PRR16: variants seen among roughly 807,000 people sequenced by gnomAD.
PRR16 encodes the protein protein Largen.
A neutral mutation model predicts 18.2 loss-of-function variants in PRR16; 6 were observed. That is an observed-to-expected ratio of 0.33 (90% CI 0.18 to 0.65). The LOEUF (loss-of-function observed/expected upper bound fraction) is 0.65. Among genes scored for constraint, PRR16 ranks in the 30% least tolerant of loss-of-function variants. The pLI is 0.74. For synonymous variants in PRR16, 151 were observed against 147.8 expected, an observed-to-expected ratio of 1.02 and a Z score of -0.16; for missense variants, 412 against 376.6, an observed-to-expected ratio of 1.09 and a Z score of -0.78.
At chr5:120,556,831 T>C (rs1401106177) in intron 1 of PRR16, among the ~76,000 whole-genome samples, 3 of 151,888 alleles carry the variant, frequency 2.0e-5, no homozygotes, top group African/African-American at 4.8e-5. Flanking sequence ...CAAAATCATA[T>C]GTGGAATCCT....
chr5:120,538,285 T>C (rs1035862589), intron 1 of PRR16, among the ~76,000 whole-genome samples: 1 of 152,232 alleles, frequency 6.6e-6, no homozygotes, highest in Non-Finnish European at 1.5e-5. Flanking sequence ...TTTAGTTTAA[T>C]TGATAAGCAT....
rs554763387 is a variant in PRR16 at position 120,513,757 on chromosome 5, G to A, written c.159+49112G>A. The stretch of plus-strand genomic sequence containing the variant: ...ACTTAAGAACATAGAGATCCCATCT[G>A]TTTTCTTTTTTTTTTTTTTGAGATG... On this transcript the variant is annotated intron_variant, in intron 1 of 1. Transcript: ENST00000407149. 5.4e-4 allele frequency among the ~76,000 whole-genome samples: 80 copies of A among 146,866 alleles called. 1 individual carries two copies. Among genetic ancestry groups the A allele is most frequent in the African/African-American group, 2.0e-3 (80 of 39,232 alleles).
intron 1 of PRR16, among the ~76,000 whole-genome samples, chr5:120,672,511 G>C (rs376505350): frequency 7.1e-6 from 1 of 140,624 alleles, no homozygotes; most frequent in African/African-American, 2.6e-5. Flanking sequence ...TTAATTAAAG[G>C]CTTTTAATAA....
intron 1 of PRR16, among the ~76,000 whole-genome samples, chr5:120,527,643 G>A (rs1207749196): frequency 2.6e-5 from 4 of 152,198 alleles, no homozygotes; most frequent in Non-Finnish European, 5.9e-5. Flanking sequence ...GAATATGCAT[G>A]GGTTCCTGAT....
the PRR16 span, among the ~76,000 whole-genome samples, chr5:120,785,179 A>T: frequency 6.6e-6 from 1 of 151,990 alleles, no homozygotes; most frequent in African/African-American, 2.4e-5. Flanking sequence ...AGTATTGGTT[A>T]TTTTTTTTCC....
chr5:120,620,305 T>C (rs561391379), intron 1 of PRR16, among the ~76,000 whole-genome samples: 1 of 152,168 alleles, frequency 6.6e-6, no homozygotes, highest in East Asian at 1.9e-4. Context: ...AAGCCAGAAG[T>C]TGTAATGGTG....
chr5:120,729,988 A>T, the PRR16 span, among the ~76,000 whole-genome samples: 4 of 152,176 alleles, frequency 2.6e-5, no homozygotes, highest in Admixed American at 6.6e-5. Context: ...AGAGATAGCC[A>T]TATAGACAGG....
At chr5:120,588,708 C>G (rs1161150835) in intron 1 of PRR16, among the ~76,000 whole-genome samples, 1 of 152,094 alleles carries the variant, frequency 6.6e-6, no homozygotes. Flanking sequence ...CAAGGTATGC[C>G]TATATTTGTA....
intron 1 of PRR16, among the ~76,000 whole-genome samples, chr5:120,655,426 C>T (rs189481346): frequency 8.4e-5 from 12 of 142,092 alleles, no homozygotes; most frequent in East Asian, 8.3e-4. Flanking sequence ...AATAGTTTAG[C>T]GTCAAAATAA....
chr5:120,684,117 A>G (rs933799587), intron 1 of PRR16, among the ~76,000 whole-genome samples: 1 of 152,208 alleles, frequency 6.6e-6, no homozygotes, highest in African/African-American at 2.4e-5. Flanking sequence ...CCAGAAGGTG[A>G]GTGAAAGGGT....
At chr5:120,714,494 G>A in the PRR16 span, among the ~76,000 whole-genome samples, 1 of 152,132 alleles carries the variant, frequency 6.6e-6, no homozygotes, top group South Asian at 2.1e-4. Context: ...AACAATAGAT[G>A]CTGGTGAGGT....
At chr5:120,665,000 T>C (rs1030550176) in intron 1 of PRR16, among the ~76,000 whole-genome samples, 1 of 151,638 alleles carries the variant, frequency 6.6e-6, no homozygotes, top group Non-Finnish European at 1.5e-5. Context: ...TCAAATGGTA[T>C]TTCTAGTTCT....
At chr5:120,511,869 G>C (rs553840793) in intron 1 of PRR16, among the ~76,000 whole-genome samples, 1 of 152,150 alleles carries the variant, frequency 6.6e-6, no homozygotes, top group South Asian at 2.1e-4. Context: ...CATCAATTTG[G>C]TTTACCTTAG....
chr5:120,582,320 A>C (rs1486888129), intron 1 of PRR16, among the ~76,000 whole-genome samples: 1 of 152,116 alleles, frequency 6.6e-6, no homozygotes, highest in Admixed American at 6.6e-5. Flanking sequence ...TAAGGAGGGG[A>C]GTGAGGGTTG....
At chr5:120,478,887 A>G (rs1040861197) in intron 1 of PRR16, among the ~76,000 whole-genome samples, 6 of 152,082 alleles carry the variant, frequency 3.9e-5, no homozygotes, top group African/African-American at 1.4e-4. Flanking sequence ...AGCCATTACA[A>G]ATTTTAAATT....
intron 1 of PRR16, among the ~76,000 whole-genome samples, chr5:120,575,205 G>A (rs1261366267): frequency 2.0e-5 from 3 of 151,910 alleles, no homozygotes; most frequent in African/African-American, 7.3e-5. Context: ...CTTGGAACAT[G>A]GATAAATGAG....
the PRR16 span, among the ~76,000 whole-genome samples, chr5:120,734,011 T>C: frequency 6.6e-6 from 1 of 152,234 alleles, no homozygotes; most frequent in African/African-American, 2.4e-5. Flanking sequence ...AATCTACTTA[T>C]TCATTAATAC....
intron 1 of PRR16, among the ~76,000 whole-genome samples, chr5:120,516,240 A>C (rs1234614442): frequency 6.6e-6 from 1 of 152,142 alleles, no homozygotes; most frequent in South Asian, 2.1e-4. Context: ...CCTGGCCAAC[A>C]TGGCGAAACG....
At chr5:120,516,782 A>G (rs970806136) in intron 1 of PRR16, among the ~76,000 whole-genome samples, 14 of 152,150 alleles carry the variant, frequency 9.2e-5, no homozygotes, top group African/African-American at 3.4e-4. Context: ...AGGCAGAGAT[A>G]TTTTGCACCA....
Sources: allele counts gnomAD v4.1 joint callset (sites outside exome capture counted in the v4.1 genomes callset), GRCh38; gene constraint gnomAD v4.1.1; transcripts MANE v1.5; gene names NCBI Gene and HGNC (gene_info 2026-07-23, HGNC 2026-07-21).